Variants in POLDIP2 observed in about 807,000 individuals in gnomAD.
POLDIP2 encodes DNA polymerase delta interacting protein 2, also known as polymerase delta-interacting protein 2.
POLDIP2 carries 32 observed loss-of-function variants against 52.9 expected under a neutral mutation model. The observed-to-expected ratio is 0.61, with a 90% CI of 0.46 to 0.81. POLDIP2 has a LOEUF of 0.81. POLDIP2 is among the 40% of genes least tolerant of loss of function. POLDIP2 has a pLI of 0.00. For synonymous variants in POLDIP2, 183 were observed against 183.0 expected, an observed-to-expected ratio of 1.00 and a Z score of 0.00; for missense variants, 371 against 477.3, an observed-to-expected ratio of 0.78 and a Z score of 2.07.
chr17:28,351,871 A>G (rs1422803635), intron 6 of POLDIP2, 71 bp from the exon 7 acceptor site: 14 of 1,401,346 alleles, frequency 1.0e-5, no homozygotes, highest in South Asian at 8.1e-5. Flanking sequence ...CAATCACACA[A>G]TAGTCCAGTG....
rs1907884045 is a variant in POLDIP2 at position 28,353,317 on chromosome 17, C to G, written c.439-1G>C. The G allele has an allele frequency of 6.4e-7, 1 of 1,560,202 alleles. No individual in the cohort carries two copies. Among genetic ancestry groups the G allele is most frequent in the South Asian group, 1.1e-5 (1 of 88,256 alleles). On this transcript the variant is annotated splice_acceptor_variant, in intron 4 of 10. Transcript: ENST00000540200. LOFTEE classifies it high-confidence loss of function. ...CAGCTTCTGTCTGAGATCTCTGAGA[C>G]TAAGGCAAGAAGTGAATCAGTGGTG...
In POLDIP2 at chr17:28,352,237, C is replaced by CTTTTTTT. The variant is rs782311219; in HGVS notation, c.623-444_623-438dup. ...TGGAAATAGAGCGTTGGAATTATTT[C>CTTTTTTT]TTTTTTTTTTTTTTTTTTGGAGACG... On this transcript the variant is annotated intron_variant, in intron 6 of 10. Transcript: ENST00000540200. 1.3e-4 allele frequency among the ~76,000 whole-genome samples: 11 copies of CTTTTTTT among 87,676 alleles called. 1 individual carries two copies. Among genetic ancestry groups the CTTTTTTT allele is most frequent in the South Asian group, 4.3e-4 (1 of 2,316 alleles). 57.5% of individuals were successfully genotyped at this position (87,676 alleles called of 152,430 possible).
Position 28,347,012 on chromosome 17 carries a change from G to C in POLDIP2, c.*1105C>G, listed in dbSNP as rs1299235057. On this transcript the variant is annotated 3_prime_UTR_variant, in exon 11 of 11. Coordinates refer to ENST00000540200, the MANE Select transcript of POLDIP2 (RefSeq NM_015584.5). ...TAATAAAATTGTGTTAAACTCAATG[G>C]TACAGAGCCATGTTTACAGTGAGCA... is the stretch of plus-strand genomic sequence containing the variant. 6.6e-6 allele frequency: 1 copy of C among 152,174 alleles called. No individual in the cohort carries two copies. The highest frequency in any genetic ancestry group is 2.4e-5 in the African/African-American group (1 of 41,440). The allele number at this position is 152,174 out of a possible 1,614,324, so 9.4% of individuals were successfully genotyped here.
intron 9 of POLDIP2, among the ~76,000 whole-genome samples, chr17:28,349,376 GAT>G (rs1907709136): frequency 7.5e-6 from 1 of 134,094 alleles, no homozygotes; most frequent in Admixed American, 8.9e-5. Flanking sequence ...CTCTGGGAAA[GAT>G]AATCTCAGAC....
At chr17:28,348,396 C>G (rs537481372) in intron 10 of POLDIP2, among the ~76,000 whole-genome samples, 165 bp from the exon 11 acceptor site, 1 of 152,308 alleles carries the variant, frequency 6.6e-6, no homozygotes, top group South Asian at 2.1e-4. Context: ...CCAAGAGCCC[C>G]TCATGGTTAT....
At chr17:28,355,406 G>A (rs782046230) in intron 2 of POLDIP2, among the ~76,000 whole-genome samples, 38 of 152,196 alleles carry the variant, frequency 2.5e-4, no homozygotes, top group Non-Finnish European at 4.1e-4. Flanking sequence ...TCGGGAGCTC[G>A]AGACCAGCCT....
In POLDIP2 at chr17:28,348,128, G is replaced by A. The variant is rs1215121105; in HGVS notation, c.1096C>T (p.Leu366Phe). 6.2e-7 allele frequency: 1 copy of A among 1,608,770 alleles called. No homozygotes were observed. The highest frequency in any genetic ancestry group is 1.3e-5 in the African/African-American group (1 of 74,824). ...NKDEKTPPSG[L>F]HW ...GGGCCTCAGCTGGCCTACCAGTGAAGGCCTGAGGGTGGTGTCTTCTCATCT... is the reference window on the plus strand; with the variant it reads ...GGGCCTCAGCTGGCCTACCAGTGAAAGCCTGAGGGTGGTGTCTTCTCATCT... Residue 366 changes from leucine (L) to phenylalanine (F), a missense_variant, in exon 11 of 11, where the codon CTT becomes TTT. Leu to Phe is a conservative substitution (Grantham distance 22). Coordinates refer to ENST00000540200, the MANE Select transcript of POLDIP2 (RefSeq NM_015584.5).
rs1049248196 is a variant in POLDIP2 at position 28,347,543 on chromosome 17, A to G, written c.*574T>C. On this transcript the variant is annotated 3_prime_UTR_variant, in exon 11 of 11. Coordinates refer to ENST00000540200, the MANE Select transcript of POLDIP2 (RefSeq NM_015584.5). The stretch of plus-strand genomic sequence containing the variant: ...AGAGCCAGGCCACTCCGACCCTGAC[A>G]CTGGCCTCCCTCTCTGCATTTGGCA... 6.5e-6 allele frequency: 1 copy of G among 153,264 alleles called. No homozygotes were observed. The highest frequency in any genetic ancestry group is 1.5e-5 in the Non-Finnish European group (1 of 68,850). The allele number at this position is 153,264 out of a possible 1,614,324, so 9.5% of individuals were successfully genotyped here.
chr17:28,354,274 G>C (rs1440536608), intron 3 of POLDIP2, among the ~76,000 whole-genome samples: 5 of 152,178 alleles, frequency 3.3e-5, no homozygotes, highest in Admixed American at 3.3e-4. Context: ...GAATGGCTTA[G>C]GAAAGCATTC....
At position 28,357,271 on chromosome 17, in the gene POLDIP2, C is replaced by G; in HGVS notation, c.161+17G>C. ...CTCCAGGCCCAGTTCCTCGCGCCCC[C>G]TGGCTCCGTCCCTCACCGGGACGAG... On this transcript the variant is annotated intron_variant, in intron 1 of 10. Transcript: ENST00000540200. 1 of 1,563,798 alleles carries G rather than the reference C, an allele frequency of 6.4e-7. No individual in the cohort carries two copies. Among genetic ancestry groups the G allele is most frequent in the Non-Finnish European group, 8.6e-7 (1 of 1,165,184 alleles).
chr17:28,348,522 G>A (rs565543404), intron 10 of POLDIP2, among the ~76,000 whole-genome samples: 1 of 152,318 alleles, frequency 6.6e-6, no homozygotes, highest in Admixed American at 6.5e-5. Flanking sequence ...AGACCAGCCT[G>A]ACCAACATGG....
rs782167682 is a variant in POLDIP2, at chr17:28,355,777, A to T, written c.243+18T>A. 1.3e-6 allele frequency: 2 copies of T among 1,593,738 alleles called. No homozygotes were observed. Among genetic ancestry groups the T allele is most frequent in the Admixed American group, 1.7e-5 (1 of 58,756 alleles). ...GAGCACTCTATGAAAATGAAAGATG[A>T]CCCAGCCCAATACTCACCTGCCCGG... On this transcript the variant is annotated intron_variant, in intron 2 of 10. Coordinates refer to ENST00000540200, the MANE Select transcript of POLDIP2 (RefSeq NM_015584.5).
At position 28,348,039 on chromosome 17, in the gene POLDIP2, G is replaced by A. The variant is rs1392607965; in HGVS notation, c.*78C>T. 1 of 825,700 alleles carries A rather than the reference G, an allele frequency of 1.2e-6. No homozygotes were observed. Among genetic ancestry groups the A allele is most frequent in the African/African-American group, 1.7e-5 (1 of 59,132 alleles). 51.1% of individuals were successfully genotyped at this position (825,700 alleles called of 1,614,324 possible). A position where few individuals can be genotyped will look rare whatever the true frequency, so the allele number is the denominator to read the frequency against. ...CCCACTGTGGCCCATGATGGGGAGA[G>A]AAGAGTTCTGCAGCAATTGTGGGAT... On this transcript the variant is annotated 3_prime_UTR_variant, in exon 11 of 11. Transcript: ENST00000540200.
rs781900290 is a variant in POLDIP2 at position 28,350,501 on chromosome 17, G to A, written c.849C>T (p.His283=). ...DSDVVQLRER[H]WRIFSLSGTL... ...TGCCAGAGAGACTGAATATCCTCCA[G>A]TGCCGCTCCCGGAGCTGTACCACAT... The change falls in exon 9 of 11, where the codon CAC becomes CAT. Residue 283 remains histidine, a synonymous_variant. Transcript: ENST00000540200. 19 of 1,613,442 alleles carry A rather than the reference G, an allele frequency of 1.2e-5. 1 individual carries two copies. In the South Asian group the frequency reaches 2.0e-4, roughly 17 times the overall value.
At chr17:28,350,613 C>A (rs781824472) in intron 8 of POLDIP2, 50 bp from the exon 9 acceptor site, 1 of 1,599,944 alleles carries the variant, frequency 6.3e-7, no homozygotes, top group South Asian at 1.1e-5. Flanking sequence ...ATTTGGGTAA[C>A]CCTCCTCAGA....
At position 28,354,579 on chromosome 17, in the gene POLDIP2, G is replaced by A. The variant is rs782321448; in HGVS notation, c.250C>T (p.Leu84Phe). The change falls in exon 3 of 11, where the codon CTT (leucine) becomes TTT (phenylalanine). Residue 84 changes from leucine to phenylalanine, a missense_variant. Transcript: ENST00000540200. ...CCTCGGTAGCCAAAAATGCTATGAA[G>A]GAAAAGCTGGAAGGAAAGAGGGGCC... is the stretch of plus-strand genomic sequence containing the variant. ...NGKYETGQLFLHSIFGYRGVV... is the reference protein window; with the variant it reads ...NGKYETGQLFFHSIFGYRGVV... The A allele has an allele frequency of 3.9e-6, 6 of 1,554,690 alleles. No homozygotes were observed. The highest frequency in any genetic ancestry group is 4.4e-6 in the Non-Finnish European group (5 of 1,148,330).
chr17:28,350,898 G>A, intron 7 of POLDIP2, 106 bp from the exon 8 acceptor site: 2 of 936,694 alleles, frequency 2.1e-6, no homozygotes, highest in East Asian at 2.6e-5. Context: ...GTTGCAGACA[G>A]ACCAAGCTGA....
chr17:28,349,195 A>AGCCCCAGGGACATGTTTCCTGC, intron 9 of POLDIP2, 33 bp from the exon 10 acceptor site: 1 of 1,523,226 alleles, frequency 6.6e-7, no homozygotes. Context: ...GGTCAGGCCA[A>AGCCCCAGGGACATGTTTCCTGC]GCCCCAGGGA....
intron 6 of POLDIP2, among the ~76,000 whole-genome samples, chr17:28,352,526 A>G (rs200002242): frequency 6.7e-4 from 1 of 1,482 alleles, no homozygotes; most frequent in Admixed American, 5.2e-3. Flanking sequence ...GTGAGCCACA[A>G]GCACCCGGGC....
Sources: gnomAD v4.1 joint callset for allele counts (sites outside exome capture counted in the v4.1 genomes callset) on GRCh38, gnomAD v4.1.1 for gene constraint, MANE v1.5 for transcripts, NCBI Gene and HGNC (gene_info 2026-07-23, HGNC 2026-07-21) for gene names.